The following EML1 variants were observed in gnomAD, a reference collection of about 807,000 sequenced individuals.
EML1 encodes the protein EMAP like 1, also known as echinoderm microtubule-associated protein-like 1.
In EML1, 27 loss-of-function variants were observed where a neutral mutation model predicts 110.4. The observed-to-expected ratio is 0.24, with a 90% CI of 0.18 to 0.34. The LOEUF (loss-of-function observed/expected upper bound fraction) is 0.34. EML1 is among the 10% of genes least tolerant of loss of function. The pLI, the probability that EML1 is intolerant of heterozygous loss-of-function variation, is 1.00. For synonymous variants in EML1, 344 were observed against 385.8 expected, an observed-to-expected ratio of 0.89 and a Z score of 1.27; for missense variants, 741 against 1,030.9, an observed-to-expected ratio of 0.72 and a Z score of 3.85.
chr14:99,816,910 C>T (rs910038289), intron 1 of EML1, among the ~76,000 whole-genome samples: 1 of 152,156 alleles, frequency 6.6e-6, no homozygotes, highest in African/African-American at 2.4e-5. Flanking sequence ...TTTGTAACAC[C>T]GTGCTTTGAT....
chr14:99,925,497 C>T (rs2060217757), intron 17 of EML1, among the ~76,000 whole-genome samples: 1 of 152,194 alleles, frequency 6.6e-6, no homozygotes, highest in South Asian at 2.1e-4. Flanking sequence ...CTTCCTGCCT[C>T]AGCCTCCCAA....
chr14:99,845,642 T>C lies in EML1; in HGVS notation c.68-5211T>C, dbSNP rs150836359. Among the ~76,000 whole-genome samples, 509 of 152,360 alleles carry C rather than the reference T, an allele frequency of 3.3e-3. 5 individuals are homozygous for C. The highest frequency in any genetic ancestry group is 0.012 in the African/African-American group (486 of 41,582). ...AAAAAGACTTACACAATATTTTTTT[T>C]GTAAGAGCTTAGCGGCTCTCTTGGT... On this transcript the variant is annotated intron_variant, in intron 1 of 21. Transcript: ENST00000262233.
intron 2 of EML1, among the ~76,000 whole-genome samples, chr14:99,859,046 C>T (rs1253297640): frequency 6.6e-6 from 1 of 152,118 alleles, no homozygotes; most frequent in Non-Finnish European, 1.5e-5. Context: ...ATTTGGCTAG[C>T]TTTACTAGAA....
chr14:99,872,440 G>A (rs571772287), intron 3 of EML1, among the ~76,000 whole-genome samples: 1 of 152,172 alleles, frequency 6.6e-6, no homozygotes, highest in Non-Finnish European at 1.5e-5. Context: ...ACATTCTAAG[G>A]CCTCTGTAGA....
intron 4 of EML1, among the ~76,000 whole-genome samples, chr14:99,890,054 C>A (rs1209741082): frequency 6.6e-6 from 1 of 152,030 alleles, no homozygotes; most frequent in Non-Finnish European, 1.5e-5. Flanking sequence ...AGTTTTTATT[C>A]CTGGTGTTTT....
chr14:99,743,360 C>G (rs1010789849), intron 1 of EML1, among the ~76,000 whole-genome samples: 1 of 152,182 alleles, frequency 6.6e-6, no homozygotes, highest in Non-Finnish European at 1.5e-5. Context: ...ACCCTTGGAG[C>G]ACCCATGCCC....
At chr14:99,768,797 A>G (rs1243700709), upstream of EML1, among the ~76,000 whole-genome samples, 2 of 150,690 alleles carry the variant, frequency 1.3e-5, no homozygotes, top group Non-Finnish European at 3.0e-5. Flanking sequence ...GGCTCACTGC[A>G]ACCTCTGCCT....
chr14:99,914,987 A>C, intron 15 of EML1: 1 of 414,758 alleles, frequency 2.4e-6, no homozygotes, highest in Non-Finnish European at 4.3e-6. Context: ...AACCATCCTA[A>C]GAGCTGAAAA....
intron 17 of EML1, among the ~76,000 whole-genome samples, chr14:99,935,571 C>T (rs963914484): frequency 6.6e-6 from 1 of 152,034 alleles, no homozygotes; most frequent in Admixed American, 6.6e-5. Context: ...ATCACGAGGT[C>T]ACGAGATCGA....
At chr14:99,769,948 C>T (rs1437503471), upstream of EML1, among the ~76,000 whole-genome samples, 4 of 152,228 alleles carry the variant, frequency 2.6e-5, no homozygotes, top group Non-Finnish European at 5.9e-5. Flanking sequence ...TCCCTTCTGT[C>T]CCCTGCAAGT....
At chr14:99,815,204 C>CT (rs1555392376) in intron 1 of EML1, among the ~76,000 whole-genome samples, 2 of 145,252 alleles carry the variant, frequency 1.4e-5, no homozygotes, top group Non-Finnish European at 1.5e-5. Context: ...TGCAGTGGCG[C>CT]GATCTCGGCT....
intron 1 of EML1, among the ~76,000 whole-genome samples, chr14:99,766,729 G>C (rs747816130): frequency 1.3e-5 from 2 of 152,160 alleles, no homozygotes; most frequent in Non-Finnish European, 2.9e-5. Flanking sequence ...TCAATAATTT[G>C]TTTCACTTGG....
chr14:99,782,653 T>C (rs1417416669), intron 1 of EML1, among the ~76,000 whole-genome samples: 5 of 152,110 alleles, frequency 3.3e-5, no homozygotes, highest in African/African-American at 7.2e-5. Context: ...CTGAGGACCT[T>C]TGCCCTACTC....
chr14:99,768,551 T>C (rs1335322459), upstream of EML1, among the ~76,000 whole-genome samples: 3 of 151,630 alleles, frequency 2.0e-5, no homozygotes, highest in Non-Finnish European at 4.4e-5. Context: ...GAGGTGGGGG[T>C]AAGGCAGACA....
chr14:99,835,622 T>C (rs1222930633), intron 1 of EML1, among the ~76,000 whole-genome samples: 5 of 152,224 alleles, frequency 3.3e-5, no homozygotes, highest in African/African-American at 1.2e-4. Flanking sequence ...AATTTCTTTC[T>C]AAGCGACAGC....
At chr14:99,891,789 T>G (rs1397210244) in intron 5 of EML1, among the ~76,000 whole-genome samples, 1 of 152,158 alleles carries the variant, frequency 6.6e-6, no homozygotes, top group Non-Finnish European at 1.5e-5. Context: ...GCATTTAAAA[T>G]GCAAAAAATG....
chr14:99,779,334 T>A (rs2057515252), intron 1 of EML1, among the ~76,000 whole-genome samples: 1 of 152,242 alleles, frequency 6.6e-6, no homozygotes, highest in Non-Finnish European at 1.5e-5. Flanking sequence ...TGTTTTATCA[T>A]CTAATTTTAT....
At chr14:99,919,837 A>T (rs1400455267) in intron 16 of EML1, among the ~76,000 whole-genome samples, 1 of 152,168 alleles carries the variant, frequency 6.6e-6, no homozygotes. Flanking sequence ...CAAAATCCAC[A>T]TTTCTGGGGG....
At chr14:99,793,254 G>T, upstream of EML1, 1 of 859,022 alleles carries the variant, frequency 1.2e-6, no homozygotes, top group Non-Finnish European at 1.4e-6. Flanking sequence ...CCCGGGCCCC[G>T]CGGCCGCCGA....
Sources: allele counts gnomAD v4.1 joint callset (sites outside exome capture counted in the v4.1 genomes callset), GRCh38; gene constraint gnomAD v4.1.1; transcripts MANE v1.5; gene names NCBI Gene and HGNC (gene_info 2026-07-23, HGNC 2026-07-21).